The following HEY1 variants were observed in gnomAD, a reference collection of about 807,000 sequenced individuals.
The protein encoded by HEY1 is hairy/enhancer-of-split related with YRPW motif protein 1.
Under a neutral mutation model 28.7 loss-of-function variants are expected in HEY1, and 9 were observed. That is an observed-to-expected ratio of 0.31 (90% CI 0.19 to 0.55). The LOEUF is 0.55. HEY1 is among the 20% of genes least tolerant of loss of function. The pLI is 0.93. For missense variants in HEY1, 385 were observed against 399.4 expected (o/e 0.96, Z 0.31); for synonymous variants, 213 against 175.6 (o/e 1.21, Z -1.68).
In HEY1 at chr8:79,767,665, CTGGCTCCCTG is replaced by C; in HGVS notation, c.-12_-3del. 1.3e-6 allele frequency: 2 copies of C among 1,590,858 alleles called. No individual in the cohort carries two copies. Among genetic ancestry groups the C allele is most frequent in the African/African-American group, 2.7e-5 (2 of 74,198 alleles). ...GTACTCGGGGTGAGCTCGCTTCATG[CTGGCTCCCTG>C]GGGGTTCCTGGGGAGGGTCGGCGCG... On this transcript the variant is annotated 5_prime_UTR_variant, in exon 1 of 5. Transcript: ENST00000354724.
Position 79,767,313 on chromosome 8 carries a change from C to G in HEY1, c.90-19G>C, listed in dbSNP as rs187014780. On this transcript the variant is annotated intron_variant, in intron 1 of 4. Transcript: ENST00000354724. ...CAAGTTTCTGAAAAGAGAAAAAGAA[C>G]AAACAAAAACTGAAATCGCCGTTAA... 2 of 1,601,348 alleles carry G rather than the reference C, an allele frequency of 1.2e-6. No homozygotes were observed. The highest frequency in any genetic ancestry group is 2.7e-5 in the African/African-American group (2 of 74,352).
chr8:79,766,261 CAT>C, intron 4 of HEY1: 1 of 1,205,100 alleles, frequency 8.3e-7, no homozygotes, highest in South Asian at 2.1e-5. Flanking sequence ...CCTCAAGAGG[CAT>C]GTGGCAGCAC....
At position 79,767,621 on chromosome 8, in the gene HEY1, G is replaced by T. The variant is rs1255223128; in HGVS notation, c.43C>A (p.Leu15Met). 1.2e-6 allele frequency: 2 copies of T among 1,610,544 alleles called. No homozygotes were observed. The highest frequency in any genetic ancestry group is 1.7e-6 in the Non-Finnish European group (2 of 1,178,930). Residue 15 changes from leucine (L) to methionine (M), a missense_variant, in exon 1 of 5, where the codon CTG (leucine) becomes ATG (methionine). Physicochemically the swap from Leu to Met is conservative, Grantham distance 15. Around this residue, in one of 3 missense-constraint regions of HEY1, gnomAD observed 79 missense variants for 60.7 expected, o/e 1.30. Coordinates refer to ENST00000354724, the MANE Select transcript of HEY1 (RefSeq NM_012258.4). ...HPEYSSSDSE[L>M]DETIEVEKES... ...TTCTCCACCTCGATGGTCTCGTCCA[G>T]CTCGCTGTCCGAGGAGCTGTACTCG...
Position 79,767,592 on chromosome 8 carries a change from C to T in HEY1, c.72G>A (p.Glu24=). The T allele has an allele frequency of 6.2e-7, 1 of 1,610,080 alleles. No homozygotes were observed. The highest frequency in any genetic ancestry group is 8.5e-7 in the Non-Finnish European group (1 of 1,178,720). ...CAGCTCACCCATTCTCGTCCGCACT[C>T]TCCTTCTCCACCTCGATGGTCTCGT... ...ELDETIEVEK[E]SADENGNLSS... Residue 24 remains glutamate, a synonymous_variant, in exon 1 of 5, where the codon GAG becomes GAA. Coordinates refer to ENST00000354724, the MANE Select transcript of HEY1 (RefSeq NM_012258.4).
In HEY1 at chr8:79,765,139, G is replaced by T. The variant is rs1807795431; in HGVS notation, c.*49C>A. The stretch of plus-strand genomic sequence containing the variant: ...TTAAGGTGATGTTGGCAACAGTCCA[G>T]CCCAGCTGGGATTTTAAACTTTCCC... On this transcript the variant is annotated 3_prime_UTR_variant, in exon 5 of 5. Coordinates refer to ENST00000354724, the MANE Select transcript of HEY1 (RefSeq NM_012258.4). 7.4e-7 allele frequency: 1 copy of T among 1,346,322 alleles called. No homozygotes were observed. The highest frequency in any genetic ancestry group is 2.5e-5 in the East Asian group (1 of 39,656). The allele number at this position is 1,346,322 out of a possible 1,614,324, so 83.4% of individuals were successfully genotyped here.
At chr8:79,765,887 G>C (rs57799278) in intron 4 of HEY1, 116 bp from the exon 5 acceptor site, 10 of 889,146 alleles carry the variant, frequency 1.1e-5, no homozygotes, top group Non-Finnish European at 1.7e-5. Context: ...CAACAGTCAG[G>C]GGTTCTTCCG....
chr8:79,766,251 C>T (rs1156418162), intron 4 of HEY1: 2 of 1,531,622 alleles, frequency 1.3e-6, no homozygotes, highest in Admixed American at 3.9e-5. Context: ...ACATTTCTTT[C>T]CTCAAGAGGC....
rs1374316699 is a variant in HEY1 at position 79,767,665 on chromosome 8, C to G, written c.-2G>C. 6.3e-7 allele frequency: 1 copy of G among 1,590,858 alleles called. No individual in the cohort carries two copies. Among genetic ancestry groups the G allele is most frequent in the Non-Finnish European group, 8.5e-7 (1 of 1,170,398 alleles). Reference sequence around the variant, plus strand: ...GTACTCGGGGTGAGCTCGCTTCATGCTGGCTCCCTGGGGGTTCCTGGGGAG... The same window carrying G: ...GTACTCGGGGTGAGCTCGCTTCATGGTGGCTCCCTGGGGGTTCCTGGGGAG... On this transcript the variant is annotated 5_prime_UTR_variant, in exon 1 of 5. Coordinates refer to ENST00000354724, the MANE Select transcript of HEY1 (RefSeq NM_012258.4).
chr8:79,765,299 G>A lies in HEY1; in HGVS notation c.804C>T (p.Phe268=), dbSNP rs750455935. Residue 268 remains phenylalanine, a synonymous_variant, in exon 5 of 5, where the codon TTC becomes TTT. Transcript: ENST00000354724. Reference sequence around the variant, plus strand: ...TGGGAGACAGTAAGTGGAAGGAGCCGAAAGAGAAGGGGAAGGCCGACAGGG... The same window carrying A: ...TGGGAGACAGTAAGTGGAAGGAGCCAAAAGAGAAGGGGAAGGCCGACAGGG... ...VASLSAFPFS[F]GSFHLLSPNA... The A allele has an allele frequency of 6.4e-6, 10 of 1,558,288 alleles. No individual in the cohort carries two copies. The highest frequency in any genetic ancestry group is 2.0e-5 in the Admixed American group (1 of 51,226).
chr8:79,766,832 C>T (rs1807853479), intron 3 of HEY1, 100 bp from the exon 4 acceptor site: 1 of 1,392,698 alleles, frequency 7.2e-7, no homozygotes. Flanking sequence ...CTTTGTAAAT[C>T]GTAAAGCATG....
rs773903559 is a variant in HEY1 at position 79,767,213 on chromosome 8, A to C, written c.165+6T>G. ...AAAAATAAAAGGAGAGTGTAAAGAG[A>C]CTCACTCCTCTCCGTCTTTTTCTGG... On this transcript the variant is annotated splice_donor_region_variant and intron_variant, in intron 2 of 4. Coordinates refer to ENST00000354724, the MANE Select transcript of HEY1 (RefSeq NM_012258.4). 1 of 1,608,962 alleles carries C rather than the reference A, an allele frequency of 6.2e-7. No individual in the cohort carries two copies. The highest frequency in any genetic ancestry group is 8.5e-7 in the Non-Finnish European group (1 of 1,175,920).
chr8:79,767,708 G>C lies in HEY1; in HGVS notation c.-45C>G. ...CTGGGGAGGGTCGGCGCGGCGGGCA[G>C]GGAGGAGTTAACTACAGCGGCGCCT... On this transcript the variant is annotated 5_prime_UTR_variant, in exon 1 of 5. Transcript: ENST00000354724. 6.9e-7 allele frequency: 1 copy of C among 1,457,118 alleles called. No homozygotes were observed. Among genetic ancestry groups the C allele is most frequent in the Non-Finnish European group, 9.4e-7 (1 of 1,066,558 alleles). 90.3% of individuals were successfully genotyped at this position (1,457,118 alleles called of 1,614,324 possible).
chr8:79,765,870 T>C, intron 4 of HEY1, 99 bp from the exon 5 acceptor site: 1 of 1,027,384 alleles, frequency 9.7e-7, no homozygotes. Context: ...CTGCATCCCT[T>C]AAAACACAAC....
rs957547978 is a variant in HEY1 at position 79,765,125 on chromosome 8, T to C, written c.*63A>G. On this transcript the variant is annotated 3_prime_UTR_variant, in exon 5 of 5. Coordinates refer to ENST00000354724, the MANE Select transcript of HEY1 (RefSeq NM_012258.4). ...TTTTACTGACGACTTTAAGGTGATG[T>C]TGGCAACAGTCCAGCCCAGCTGGGA... 8.5e-7 allele frequency: 1 copy of C among 1,176,592 alleles called. No homozygotes were observed. Among genetic ancestry groups the C allele is most frequent in the South Asian group, 1.8e-5 (1 of 56,292 alleles). 72.9% of individuals were successfully genotyped at this position (1,176,592 alleles called of 1,614,324 possible).
chr8:79,766,382 G>C, intron 4 of HEY1: 1 of 1,459,364 alleles, frequency 6.9e-7, no homozygotes, highest in Non-Finnish European at 9.0e-7. Context: ...CTGAATCAGG[G>C]CTGTCACAAC....
intron 4 of HEY1, among the ~76,000 whole-genome samples, 177 bp from the exon 5 acceptor site, chr8:79,765,948 T>C (rs891555583): frequency 2.0e-5 from 3 of 152,242 alleles, no homozygotes; most frequent in Admixed American, 6.5e-5. Flanking sequence ...ATAAGCAGAA[T>C]GTGTTTGCTA....
intron 4 of HEY1, 46 bp downstream of exon 4, chr8:79,766,605 C>A (rs1807845784): frequency 6.2e-7 from 1 of 1,611,856 alleles, no homozygotes; most frequent in African/African-American, 1.3e-5. Context: ...CCGCTGCTCA[C>A]TCTTTGCCAA....
chr8:79,767,433 G>T lies in HEY1; in HGVS notation c.90-139C>A, dbSNP rs1444120615. The T allele has an allele frequency of 2.7e-6, 3 of 1,107,792 alleles. No homozygotes were observed. The East Asian group carries it at 7.2e-5, about 27-fold the overall frequency. 68.6% of individuals were successfully genotyped at this position (1,107,792 alleles called of 1,614,324 possible). A position where few individuals can be genotyped will look rare whatever the true frequency, so the allele number is the denominator to read the frequency against. On this transcript the variant is annotated intron_variant, in intron 1 of 4. Transcript: ENST00000354724. ...CTGGAAGGCACCTAGGGGTTCCCTG[G>T]CCGCAGGCTGCCGCCAGCCTGCGAC...
chr8:79,766,301 A>T (rs1807834783), intron 4 of HEY1: 1 of 1,518,860 alleles, frequency 6.6e-7, no homozygotes. Flanking sequence ...GTATACCAAA[A>T]ATAAGACCAC....
Sources: allele counts gnomAD v4.1 joint callset (sites outside exome capture counted in the v4.1 genomes callset), GRCh38; gene constraint gnomAD v4.1.1; regional missense constraint gnomAD v4.1.1; transcripts MANE v1.5; gene names NCBI Gene and HGNC (gene_info 2026-07-23, HGNC 2026-07-21).